Variants in DPP10 observed in about 807,000 individuals in gnomAD.
The protein encoded by DPP10 is inactive dipeptidyl peptidase 10.
Under a neutral mutation model 120.9 loss-of-function variants are expected in DPP10, and 33 were observed. The observed-to-expected ratio is 0.27, with a 90% CI of 0.21 to 0.37. The LOEUF (loss-of-function observed/expected upper bound fraction) is 0.37, where lower values mean the gene tolerates loss of function less well. Ranked by LOEUF, DPP10 falls within the 10% of genes least tolerant of loss-of-function variation. DPP10 has a pLI of 1.00. For synonymous variants in DPP10, 337 were observed against 326.1 expected, an observed-to-expected ratio of 1.03 and a Z score of -0.36; for missense variants, 816 against 942.8, an observed-to-expected ratio of 0.87 and a Z score of 1.76.
chr2:115,231,641 G>A (rs769410110), intron 1 of DPP10, among the ~76,000 whole-genome samples: 9 of 152,080 alleles, frequency 5.9e-5, no homozygotes, highest in Non-Finnish European at 8.8e-5. Flanking sequence ...AACATCACTG[G>A]GATGCAATGA....
chr2:115,380,440 G>T (rs531296619), intron 3 of DPP10, among the ~76,000 whole-genome samples: 14 of 152,260 alleles, frequency 9.2e-5, no homozygotes, highest in African/African-American at 2.6e-4. Context: ...TTGAGCCTAT[G>T]TGTGTCTCTG....
intron 1 of DPP10, among the ~76,000 whole-genome samples, chr2:114,914,947 C>G (rs370520886): frequency 6.6e-6 from 1 of 151,858 alleles, no homozygotes; most frequent in Non-Finnish European, 1.5e-5. Flanking sequence ...CCGGCTAAAA[C>G]GGTGAAACCC....
intron 1 of DPP10, among the ~76,000 whole-genome samples, chr2:114,869,068 G>A (rs1342492483): frequency 6.6e-6 from 1 of 152,086 alleles, no homozygotes; most frequent in Non-Finnish European, 1.5e-5. Flanking sequence ...TGGATTAAAG[G>A]GTTGGTTTTA....
At chr2:115,534,504 C>G (rs1047653590) in intron 5 of DPP10, among the ~76,000 whole-genome samples, 1 of 151,688 alleles carries the variant, frequency 6.6e-6, no homozygotes, top group African/African-American at 2.4e-5. Flanking sequence ...TTAATCCAGT[C>G]TATCATTGTT....
chr2:115,820,051 C>G (rs1559199684), intron 21 of DPP10, among the ~76,000 whole-genome samples: 1 of 152,192 alleles, frequency 6.6e-6, no homozygotes, highest in Non-Finnish European at 1.5e-5. Context: ...TTGAGATGCT[C>G]TCTGAGGTAT....
intron 5 of DPP10, among the ~76,000 whole-genome samples, chr2:115,601,189 C>G (rs2083298971): frequency 6.6e-6 from 1 of 152,134 alleles, no homozygotes; most frequent in Non-Finnish European, 1.5e-5. Context: ...CAAAGACCAC[C>G]TTAAAGTGGT....
intron 1 of DPP10, among the ~76,000 whole-genome samples, chr2:114,523,476 G>A (rs1573560986): frequency 1.3e-5 from 2 of 152,186 alleles, no homozygotes; most frequent in African/African-American, 4.8e-5. Flanking sequence ...CTCCTGTAGA[G>A]CATTGATAGC....
chr2:115,344,026 C>A (rs1428316710), intron 3 of DPP10, 114 bp downstream of exon 3: 16 of 711,020 alleles, frequency 2.3e-5, no homozygotes, highest in Non-Finnish European at 3.0e-5. Context: ...ATCCCAGCAC[C>A]TTGGGAGGCC....
At chr2:114,990,123 T>A (rs1051028779) in intron 1 of DPP10, among the ~76,000 whole-genome samples, 3 of 152,166 alleles carry the variant, frequency 2.0e-5, no homozygotes, top group Non-Finnish European at 4.4e-5. Context: ...TATTAATACT[T>A]CTTATGCCAA....
intron 5 of DPP10, among the ~76,000 whole-genome samples, chr2:115,629,214 A>G (rs1052253360): frequency 6.6e-6 from 1 of 152,118 alleles, no homozygotes; most frequent in African/African-American, 2.4e-5. Context: ...CCAGTCTATC[A>G]TTGGTGGACA....
chr2:115,230,390 A>G lies in DPP10; in HGVS notation c.61-78849A>G, dbSNP rs572874426. 1.9e-3 allele frequency among the ~76,000 whole-genome samples: 295 copies of G among 152,032 alleles called. 1 individual carries two copies. Among genetic ancestry groups the G allele is most frequent in the African/African-American group, 6.9e-3 (285 of 41,536 alleles). ...AGATGATTTGACTTTTTTCTTTCCA[A>G]GTTGAATGCCCTTCAGTTCTTTCTC... is the stretch of plus-strand genomic sequence containing the variant. On this transcript the variant is annotated intron_variant, in intron 1 of 25. Coordinates refer to ENST00000410059, the MANE Select transcript of DPP10 (RefSeq NM_020868.6).
chr2:114,734,915 G>A (rs1677271264), intron 1 of DPP10, among the ~76,000 whole-genome samples: 1 of 152,184 alleles, frequency 6.6e-6, no homozygotes, highest in Admixed American at 6.6e-5. Context: ...AGACCAAGGT[G>A]TTGGCAGGTC....
chr2:114,562,931 G>C (rs1688884900), intron 1 of DPP10, among the ~76,000 whole-genome samples: 1 of 152,080 alleles, frequency 6.6e-6, no homozygotes, highest in South Asian at 2.1e-4. Context: ...ACTTTTAACT[G>C]TTCCATGGAA....
chr2:114,910,232 T>G (rs1446441242), intron 1 of DPP10, among the ~76,000 whole-genome samples: 2 of 151,874 alleles, frequency 1.3e-5, no homozygotes, highest in African/African-American at 4.8e-5. Context: ...ATATTACATA[T>G]CAAAACATTT....
chr2:114,759,976 A>G (rs1047193409), intron 1 of DPP10, among the ~76,000 whole-genome samples: 3 of 152,224 alleles, frequency 2.0e-5, no homozygotes, highest in African/African-American at 7.2e-5. Context: ...TTGATATTTT[A>G]GCTTCAATAT....
intron 3 of DPP10, among the ~76,000 whole-genome samples, chr2:115,400,182 G>A (rs539079894): frequency 4.6e-5 from 7 of 152,126 alleles, no homozygotes; most frequent in South Asian, 2.1e-4. Flanking sequence ...CCCACCACAC[G>A]CCGCCTCCAG....
chr2:115,695,402 A>G (rs1015421309), intron 7 of DPP10, among the ~76,000 whole-genome samples: 1 of 152,194 alleles, frequency 6.6e-6, no homozygotes, highest in Non-Finnish European at 1.5e-5. Flanking sequence ...TAAAGGAAAT[A>G]GGTTTAATGG....
At chr2:115,504,482 A>G (rs576564361) in intron 4 of DPP10, among the ~76,000 whole-genome samples, 1 of 151,838 alleles carries the variant, frequency 6.6e-6, no homozygotes, top group South Asian at 2.1e-4. Context: ...ATACCTTCAT[A>G]TTTATCTTAT....
At chr2:114,937,971 C>G (rs1325561515) in intron 1 of DPP10, among the ~76,000 whole-genome samples, 1 of 152,234 alleles carries the variant, frequency 6.6e-6, no homozygotes. Flanking sequence ...GTGGGAGAAC[C>G]TTAAATTAAA....
Sources: gnomAD v4.1 joint callset for allele counts (sites outside exome capture counted in the v4.1 genomes callset) on GRCh38, gnomAD v4.1.1 for gene constraint, MANE v1.5 for transcripts, NCBI Gene and HGNC (gene_info 2026-07-23, HGNC 2026-07-21) for gene names.